Variants in FBXL7 observed in about 807,000 individuals in gnomAD.
FBXL7 encodes the protein F-box and leucine rich repeat protein 7, also known as F-box/LRR-repeat protein 7.
In FBXL7, 12 loss-of-function variants were observed where a neutral mutation model predicts 38.3. The ratio of observed to expected loss-of-function variants is 0.31; its 90% CI spans 0.20 to 0.51. The LOEUF is 0.51. Among genes scored for constraint, FBXL7 ranks in the 20% least tolerant of loss-of-function variants. FBXL7 has a pLI of 0.98. For missense variants in FBXL7, 567 were observed against 676.4 expected, an observed-to-expected ratio of 0.84 and a Z score of 1.79; for synonymous variants, 297 against 300.9, an observed-to-expected ratio of 0.99 and a Z score of 0.13.
rs904689372 is a variant in FBXL7 at position 15,874,339 on chromosome 5, C to T, written c.128-53551C>T. On this transcript the variant is annotated intron_variant, in intron 2 of 3. Coordinates refer to ENST00000504595, the MANE Select transcript of FBXL7 (RefSeq NM_012304.5). ...TGAATGGACAAAAGCTGGAAGCATT[C>T]CCTTTGAAAACCAGCACAGGACAAG... is the stretch of plus-strand genomic sequence containing the variant. Among the ~76,000 whole-genome samples, 45 of 152,294 alleles carry T rather than the reference C, an allele frequency of 3.0e-4. No individual in the cohort carries two copies. The South Asian group carries it at 3.5e-3, about 12-fold the overall frequency.
At chr5:15,560,000 G>A (rs1224384728) in intron 1 of FBXL7, among the ~76,000 whole-genome samples, 3 of 152,142 alleles carry the variant, frequency 2.0e-5, no homozygotes, top group Non-Finnish European at 4.4e-5. Context: ...TGATTGTTAG[G>A]TACATGCCTC....
At chr5:15,827,606 A>C (rs930972623) in intron 2 of FBXL7, among the ~76,000 whole-genome samples, 1 of 152,160 alleles carries the variant, frequency 6.6e-6, no homozygotes, top group Non-Finnish European at 1.5e-5. Context: ...AGAGAAAGAG[A>C]GAAAGGGGTC....
intron 2 of FBXL7, among the ~76,000 whole-genome samples, chr5:15,878,009 C>T (rs780578999): frequency 5.3e-5 from 8 of 152,142 alleles, no homozygotes; most frequent in Non-Finnish European, 1.0e-4. Flanking sequence ...TGCTGGGTTT[C>T]AGCCCTCTGG....
At chr5:15,654,690 A>G (rs4256343) in intron 2 of FBXL7, among the ~76,000 whole-genome samples, 72,417 of 151,900 alleles carry the variant, frequency 0.48, 17,848 homozygotes, top group African/African-American at 0.61. Flanking sequence ...ACAGGCGCCT[A>G]GTTTGGCCTC....
At chr5:15,748,079 A>G (rs544289664) in intron 2 of FBXL7, among the ~76,000 whole-genome samples, 1 of 141,868 alleles carries the variant, frequency 7.0e-6, no homozygotes, top group East Asian at 2.0e-4. Flanking sequence ...ATTCTGATAT[A>G]ACTGGAGTGA....
chr5:15,766,287 G>A (rs572326827), intron 2 of FBXL7, among the ~76,000 whole-genome samples: 206 of 152,242 alleles, frequency 1.4e-3, no homozygotes, highest in Admixed American at 3.6e-3. Flanking sequence ...TATGTCTTAA[G>A]CATGAGTTAT....
chr5:15,690,031 G>C (rs1380888323), intron 2 of FBXL7, among the ~76,000 whole-genome samples: 1 of 152,208 alleles, frequency 6.6e-6, no homozygotes, highest in African/African-American at 2.4e-5. Flanking sequence ...CCAGGGATGA[G>C]AGTTATGTGC....
chr5:15,533,860 G>A (rs1180490007), intron 1 of FBXL7, among the ~76,000 whole-genome samples: 1 of 152,096 alleles, frequency 6.6e-6, no homozygotes, highest in Non-Finnish European at 1.5e-5. Context: ...TCACTTTCTT[G>A]TACACTACAG....
intron 2 of FBXL7, among the ~76,000 whole-genome samples, chr5:15,811,934 C>T (rs1028993682): frequency 7.9e-5 from 12 of 152,244 alleles, no homozygotes; most frequent in African/African-American, 2.9e-4. Flanking sequence ...TGTGGTGATT[C>T]CTCAAGGATC....
chr5:15,579,976 T>C (rs752923797), intron 1 of FBXL7, among the ~76,000 whole-genome samples: 2 of 152,186 alleles, frequency 1.3e-5, no homozygotes, highest in Non-Finnish European at 2.9e-5. Flanking sequence ...TCATGCAGTG[T>C]TACTTCTGGG....
intron 2 of FBXL7, among the ~76,000 whole-genome samples, chr5:15,918,256 G>T (rs1267933571): frequency 6.6e-6 from 1 of 151,916 alleles, no homozygotes; most frequent in African/African-American, 2.4e-5. Context: ...AAAAAGAAAA[G>T]AATAAAGTCC....
intron 2 of FBXL7, among the ~76,000 whole-genome samples, chr5:15,704,811 G>A (rs951481351): frequency 1.3e-5 from 2 of 152,028 alleles, no homozygotes; most frequent in African/African-American, 4.8e-5. Context: ...GCCCTTGAAG[G>A]GCAGCACTTG....
rs1000818018 is a variant in FBXL7, at chr5:15,726,196, T to C, written c.127+110124T>C. 2.4e-4 allele frequency among the ~76,000 whole-genome samples: 36 copies of C among 152,320 alleles called. 1 individual carries two copies. The highest frequency in any genetic ancestry group is 2.0e-3 in the Admixed American group (30 of 15,296). On this transcript the variant is annotated intron_variant, in intron 2 of 3. Transcript: ENST00000504595. ...GCCACTCCCACTCTTTTTTGGTTAC[T>C]ATTTGCATAGAATATCTTTTCATAG...
chr5:15,717,557 A>G (rs1352597794), intron 2 of FBXL7, among the ~76,000 whole-genome samples: 2 of 152,232 alleles, frequency 1.3e-5, no homozygotes, highest in Non-Finnish European at 2.9e-5. Flanking sequence ...GGACATTTGA[A>G]TAATAAGAAA....
intron 1 of FBXL7, among the ~76,000 whole-genome samples, chr5:15,532,631 C>A (rs557588329): frequency 6.6e-6 from 1 of 152,370 alleles, no homozygotes; most frequent in East Asian, 1.9e-4. Context: ...ATGTCAGTGA[C>A]CGGCATCCTG....
intron 1 of FBXL7, among the ~76,000 whole-genome samples, chr5:15,607,700 T>G (rs1002967892): frequency 3.9e-5 from 6 of 152,198 alleles, no homozygotes; most frequent in African/African-American, 1.4e-4. Flanking sequence ...CTGCTAACAT[T>G]GCTGAGTTAA....
At chr5:15,755,637 T>C (rs1183011374) in intron 2 of FBXL7, among the ~76,000 whole-genome samples, 2 of 152,138 alleles carry the variant, frequency 1.3e-5, no homozygotes, top group East Asian at 3.9e-4. Flanking sequence ...CCGAAAACAG[T>C]TTTCAAAAAG....
chr5:15,683,334 A>T (rs1742911377), intron 2 of FBXL7, among the ~76,000 whole-genome samples: 1 of 152,120 alleles, frequency 6.6e-6, no homozygotes, highest in African/African-American at 2.4e-5. Context: ...ATTTTGTGGG[A>T]AAGTGAGGCT....
At chr5:15,699,343 C>G (rs1330664482) in intron 2 of FBXL7, among the ~76,000 whole-genome samples, 3 of 152,220 alleles carry the variant, frequency 2.0e-5, no homozygotes, top group Admixed American at 1.3e-4. Flanking sequence ...TAGCGACCTT[C>G]CCTGCCTCTT....
Sources: gnomAD v4.1 joint callset for allele counts (sites outside exome capture counted in the v4.1 genomes callset) on GRCh38, gnomAD v4.1.1 for gene constraint, MANE v1.5 for transcripts, NCBI Gene and HGNC (gene_info 2026-07-23, HGNC 2026-07-21) for gene names.